The following ANO7 variants were observed in gnomAD, a reference collection of about 807,000 sequenced individuals.
ANO7 encodes anoctamin 7.
Under a neutral mutation model 115.8 loss-of-function variants are expected in ANO7, and 114 were observed. The ratio of observed to expected loss-of-function variants is 0.98; its 90% CI spans 0.85 to 1.15. The LOEUF is 1.15. ANO7 is among the 50% of genes most tolerant of loss of function. ANO7 has a pLI of 0.00. For synonymous variants in ANO7, 550 were observed against 498.2 expected (o/e 1.10, Z -1.38); for missense variants, 1,302 against 1,201.2 (o/e 1.08, Z -1.24).
intron 4 of ANO7, chr2:241,196,198 A>T: frequency 1.7e-6 from 2 of 1,175,678 alleles, no homozygotes; most frequent in Non-Finnish European, 2.1e-6. Context: ...CAGTGTGCTT[A>T]TAGAATTAAC....
At chr2:241,204,818 C>T (rs966163951) in intron 9 of ANO7, 47 bp from the exon 10 acceptor site, 1 of 1,549,784 alleles carries the variant, frequency 6.5e-7, no homozygotes, top group Non-Finnish European at 8.9e-7. Flanking sequence ...ACCTGGGGCC[C>T]CCAAGCCTGG....
rs1463041733 is a variant in ANO7, at chr2:241,209,587, G to A, written c.1311G>A (p.Arg437=). ...AGGACGAGCCCTACTTCCCTGAGAG[G>A]AGCCGCGCGCGCCGCATGCTGGCCG... The part of the protein sequence containing the change: ...TGEDEPYFPE[R]SRARRMLAGS... Residue 437 remains arginine, a synonymous_variant, in exon 13 of 25, where the codon AGG becomes AGA. Coordinates refer to ENST00000674324, the MANE Select transcript of ANO7 (RefSeq NM_001370694.2). 6.2e-7 allele frequency: 1 copy of A among 1,602,320 alleles called. No homozygotes were observed.
rs1244644380 is a variant in ANO7 at position 241,203,669 on chromosome 2, A to G, written c.889+171A>G. On this transcript the variant is annotated intron_variant, in intron 9 of 24. Coordinates refer to ENST00000674324, the MANE Select transcript of ANO7 (RefSeq NM_001370694.2). The surrounding 1 kb of genome is among the most constrained non-coding windows in gnomAD (Gnocchi z 4.8). ...CTCCTGGCTCCCCTCAAGCCCACTC[A>G]CTCTAACTGGGCGCCATGACGATGC... Among the ~76,000 whole-genome samples the G allele has an allele frequency of 1.3e-5, 2 of 150,898 alleles. No individual in the cohort carries two copies. The highest frequency in any genetic ancestry group is 3.0e-5 in the Non-Finnish European group (2 of 67,688).
intron 6 of ANO7, among the ~76,000 whole-genome samples, 180 bp from the exon 7 acceptor site, chr2:241,201,118 C>T (rs1052211171): frequency 6.6e-6 from 1 of 152,232 alleles, no homozygotes. Context: ...TGCCGGGGAG[C>T]CAGCTGCTTC....
intron 11 of ANO7, among the ~76,000 whole-genome samples, chr2:241,208,940 A>C (rs28572755): frequency 1.3e-5 from 2 of 151,926 alleles, no homozygotes; most frequent in East Asian, 1.9e-4. Flanking sequence ...ACAAGGTCAG[A>C]AGATCGAGAC....
intron 7 of ANO7, 80 bp downstream of exon 7, chr2:241,201,435 G>A: frequency 6.7e-7 from 1 of 1,491,768 alleles, no homozygotes; most frequent in Admixed American, 1.9e-5. Context: ...CTCCATGGAT[G>A]CAGAAAGGCC....
the ANO7 span, chr2:241,231,260 TGTAATCC>T: frequency 8.9e-6 from 2 of 225,120 alleles, no homozygotes; most frequent in Non-Finnish European, 1.8e-5. Context: ...GGTGCACGCC[TGTAATCC>T]CAGCTACTCC....
intron 11 of ANO7, 96 bp from the exon 12 acceptor site, chr2:241,209,189 G>C: frequency 7.3e-7 from 1 of 1,361,940 alleles, no homozygotes. Context: ...GGATGTGTGT[G>C]GGATGCACAC....
chr2:241,195,261 C>T (rs13022445), intron 3 of ANO7, among the ~76,000 whole-genome samples: 64 of 152,096 alleles, frequency 4.2e-4, no homozygotes, highest in African/African-American at 1.5e-3. Context: ...TTATCTGGAG[C>T]GCCTGAGCCC....
chr2:241,196,086 C>G (rs1559440297), intron 4 of ANO7: 1 of 1,407,992 alleles, frequency 7.1e-7, no homozygotes, highest in Non-Finnish European at 9.2e-7. Context: ...AGTCGGAGCC[C>G]TCAGGGTCAC....
chr2:241,222,338 T>C (rs561361611), intron 21 of ANO7, among the ~76,000 whole-genome samples: 1 of 152,256 alleles, frequency 6.6e-6, no homozygotes, highest in Non-Finnish European at 1.5e-5. Flanking sequence ...TGTTTAGTTC[T>C]GGAAATGTCT....
chr2:241,239,715 C>A, the ANO7 span: 12 of 1,614,208 alleles, frequency 7.4e-6, no homozygotes, highest in Non-Finnish European at 7.6e-6. This position sits in a 1 kb window ranked among gnomAD's most constrained non-coding sequence, Gnocchi z 4.6. Flanking sequence ...CTGACCATCA[C>A]CCCGCCATAC....
chr2:241,237,399 ACAC>A, the ANO7 span, among the ~76,000 whole-genome samples: 2 of 152,158 alleles, frequency 1.3e-5, no homozygotes, highest in Admixed American at 6.5e-5. Context: ...ACCAAAATAG[ACAC>A]CACAACAATA....
At chr2:241,205,319 G>A (rs1328897555) in intron 10 of ANO7, among the ~76,000 whole-genome samples, 1 of 151,406 alleles carries the variant, frequency 6.6e-6, no homozygotes, top group Admixed American at 6.6e-5. Flanking sequence ...GGCACCGGTG[G>A]ATAGGAGTGC....
chr2:241,226,270 T>C (rs2069167895), downstream of ANO7, among the ~76,000 whole-genome samples: 1 of 151,974 alleles, frequency 6.6e-6, no homozygotes, highest in Admixed American at 6.6e-5. Flanking sequence ...CGTGGGACAT[T>C]GCGCGAGCTC....
the ANO7 span, among the ~76,000 whole-genome samples, chr2:241,234,215 C>G: frequency 2.0e-5 from 3 of 152,204 alleles, no homozygotes; most frequent in South Asian, 6.2e-4. Context: ...GGACCACTTG[C>G]GAGGATCGTG....
At chr2:241,214,349 AT>A (rs1419617012) in intron 17 of ANO7, among the ~76,000 whole-genome samples, 2 of 152,202 alleles carry the variant, frequency 1.3e-5, no homozygotes, top group African/African-American at 2.4e-5. Context: ...CAGAAAGATT[AT>A]CCCCATCTGG....
chr2:241,208,074 A>G (rs1393106297), intron 11 of ANO7, among the ~76,000 whole-genome samples: 1 of 151,998 alleles, frequency 6.6e-6, no homozygotes, highest in Non-Finnish European at 1.5e-5. Context: ...TCTGAGCCCC[A>G]CTGTCCCCCC....
At chr2:241,233,778 C>T in the ANO7 span, 193 of 1,611,932 alleles carry the variant, frequency 1.2e-4, no homozygotes, top group Non-Finnish European at 1.6e-4. This position sits in a 1 kb window ranked among gnomAD's most constrained non-coding sequence, Gnocchi z 4.3. Context: ...GAAAGGTCAA[C>T]AAGCACCTCT....
Sources: allele counts gnomAD v4.1 joint callset (sites outside exome capture counted in the v4.1 genomes callset), GRCh38; gene constraint gnomAD v4.1.1; non-coding constraint Gnocchi (gnomAD v3.1); transcripts MANE v1.5; gene names NCBI Gene and HGNC (gene_info 2026-07-23, HGNC 2026-07-21).